Variants in TENM4 observed in about 807,000 individuals in gnomAD.
TENM4 encodes teneurin transmembrane protein 4.
A neutral mutation model predicts 243.3 loss-of-function variants in TENM4; 82 were observed. That is an observed-to-expected ratio of 0.34 (90% confidence interval 0.28 to 0.40). TENM4 has a LOEUF of 0.40. Among genes scored for constraint, TENM4 ranks in the 10% least tolerant of loss-of-function variants. The pLI, the probability that TENM4 is intolerant of heterozygous loss-of-function variation, is 1.00. For synonymous variants in TENM4, 1,412 were observed against 1,456.3 expected, an observed-to-expected ratio of 0.97 and a Z score of 0.69; for missense variants, 3,138 against 3,673.3, an observed-to-expected ratio of 0.85 and a Z score of 3.77.
chr11:79,012,324 T>C (rs1591206568), intron 6 of TENM4, among the ~76,000 whole-genome samples: 1 of 152,302 alleles, frequency 6.6e-6, no homozygotes, highest in East Asian at 1.9e-4. Flanking sequence ...GCCAAGGTCC[T>C]GAAGAAAACA....
rs148134316 is a variant in TENM4 at position 78,987,872 on chromosome 11, C to T, written c.493+76866G>A. Among the ~76,000 whole-genome samples, 455 of 152,170 alleles carry T rather than the reference C, an allele frequency of 3.0e-3. 2 individuals carry two copies. The highest frequency in any genetic ancestry group is 9.5e-3 in the African/African-American group (393 of 41,500). ...AAGAAACTGACGGTAAGGCAGGTTA[C>T]GTTTTTTCCCCCAGGCCATTCACCC... On this transcript the variant is annotated intron_variant, in intron 6 of 33. Transcript: ENST00000278550.
chr11:79,016,166 A>G (rs1858768898), intron 6 of TENM4, among the ~76,000 whole-genome samples: 1 of 152,342 alleles, frequency 6.6e-6, no homozygotes, highest in Non-Finnish European at 1.5e-5. Flanking sequence ...GTGGAACACA[A>G]TGATGCTCTC....
chr11:79,151,767 ATC>A, intron 3 of TENM4, among the ~76,000 whole-genome samples: 1 of 152,068 alleles, frequency 6.6e-6, no homozygotes, highest in Non-Finnish European at 1.5e-5. Context: ...CTCACAATGT[ATC>A]TCTCTGTGTT....
intron 2 of TENM4, among the ~76,000 whole-genome samples, chr11:79,281,168 C>G (rs1856150846): frequency 6.6e-6 from 1 of 152,202 alleles, no homozygotes; most frequent in African/African-American, 2.4e-5. Flanking sequence ...TCAAAGGCAA[C>G]TCCTTAGCAC....
chr11:79,055,011 C>T (rs948145370), intron 6 of TENM4, among the ~76,000 whole-genome samples: 2 of 151,488 alleles, frequency 1.3e-5, no homozygotes, highest in African/African-American at 2.4e-5. Flanking sequence ...CCTGTAATCC[C>T]AGGTACTTGG....
chr11:78,937,301 C>T (rs1856807134), intron 6 of TENM4, among the ~76,000 whole-genome samples: 1 of 152,164 alleles, frequency 6.6e-6, no homozygotes, highest in Non-Finnish European at 1.5e-5. Flanking sequence ...AAATACCTCT[C>T]CATTTCAGTG....
At chr11:78,965,439 T>C (rs1857418264) in intron 6 of TENM4, among the ~76,000 whole-genome samples, 1 of 152,152 alleles carries the variant, frequency 6.6e-6, no homozygotes, top group African/African-American at 2.4e-5. Context: ...CACAATATAA[T>C]CTTCAATCGG....
At chr11:79,232,967 A>C (rs1353025803) in intron 2 of TENM4, among the ~76,000 whole-genome samples, 2 of 152,184 alleles carry the variant, frequency 1.3e-5, no homozygotes, top group African/African-American at 4.8e-5. Flanking sequence ...AGCACAAAGC[A>C]CTTCATGGTT....
In TENM4 at chr11:78,854,246, G is replaced by A; in HGVS notation, c.1539C>T (p.Thr513=). The A allele has an allele frequency of 6.4e-7, 1 of 1,551,022 alleles. No homozygotes were observed. Among genetic ancestry groups the A allele is most frequent in the Non-Finnish European group, 8.7e-7 (1 of 1,146,668 alleles). ...GCACAGTTCCCCGAGACTGGCGCGG[G>A]GTCCCCTCTAGGCTCCGCGCCTCCT... The part of the protein sequence containing the change: ...LTQEARSLEG[T]PRQSRGTVPP... Residue 513 remains threonine (T), a synonymous_variant, in exon 12 of 34, where the codon ACC becomes ACT. Coordinates refer to ENST00000278550, the MANE Select transcript of TENM4 (RefSeq NM_001098816.3).
intron 6 of TENM4, among the ~76,000 whole-genome samples, chr11:79,008,849 A>G (rs1858566084): frequency 2.0e-5 from 3 of 152,218 alleles, no homozygotes; most frequent in African/African-American, 4.8e-5. Flanking sequence ...TGCTTTCCAT[A>G]AAGGTGATCA....
chr11:78,708,380 G>C lies in TENM4; in HGVS notation c.4190C>G (p.Ser1397Cys). Reference sequence around the variant, plus strand: ...TCTTACCTGGGAAATATCCATGACAGAATCACAGCTGAGTGGCCGGGCTGA... The same window carrying C: ...TCTTACCTGGGAAATATCCATGACACAATCACAGCTGAGTGGCCGGGCTGA... ...LTSARPLSCD[S>C]VMDISQVHLE... Residue 1397 changes from serine (S) to cysteine (C), a missense_variant, in exon 27 of 34, where the codon TCT becomes TGT. Around this residue, in one of 2 missense-constraint regions of TENM4, gnomAD observed 2,467 missense variants for 3,059.1 expected, o/e 0.81. Transcript: ENST00000278550. 1 of 1,614,038 alleles carries C rather than the reference G, an allele frequency of 6.2e-7. No homozygotes were observed. Among genetic ancestry groups the C allele is most frequent in the South Asian group, 1.1e-5 (1 of 91,084 alleles).
chr11:78,936,553 G>T (rs551102640), intron 6 of TENM4, among the ~76,000 whole-genome samples: 4 of 152,186 alleles, frequency 2.6e-5, no homozygotes, highest in Non-Finnish European at 5.9e-5. Flanking sequence ...ATCAGAAAGA[G>T]TATTTACCAA....
At chr11:79,215,456 C>A (rs532882756) in intron 3 of TENM4, among the ~76,000 whole-genome samples, 2 of 152,044 alleles carry the variant, frequency 1.3e-5, no homozygotes, top group African/African-American at 2.4e-5. Flanking sequence ...CCAAGAATGA[C>A]CTTGATTGGC....
At chr11:79,121,812 C>T (rs1477826160) in intron 4 of TENM4, among the ~76,000 whole-genome samples, 2 of 152,176 alleles carry the variant, frequency 1.3e-5, no homozygotes, top group Admixed American at 6.5e-5. Flanking sequence ...GGACCCACTG[C>T]ACACTGGCTG....
chr11:78,770,965 T>C lies in TENM4; in HGVS notation c.2539+27A>G, dbSNP rs7106750. On this transcript the variant is annotated intron_variant, in intron 18 of 33. Coordinates refer to ENST00000278550, the MANE Select transcript of TENM4 (RefSeq NM_001098816.3). ...GGGCCTCCCACCCTCTGGAGCCGCCTGGAGCCCATGGGTGCCAGAGCCCTA... is the reference window on the plus strand; with the variant it reads ...GGGCCTCCCACCCTCTGGAGCCGCCCGGAGCCCATGGGTGCCAGAGCCCTA... 1.0e-5 allele frequency: 16 copies of C among 1,567,908 alleles called. No homozygotes were observed. The African/African-American group carries it at 2.2e-4, about 21-fold the overall frequency.
intron 18 of TENM4, among the ~76,000 whole-genome samples, chr11:78,763,184 C>A (rs1240660882): frequency 2.0e-5 from 3 of 152,228 alleles, no homozygotes; most frequent in Non-Finnish European, 4.4e-5. Flanking sequence ...CCCTCCTAAA[C>A]CCCAGCTTTT....
chr11:78,663,326 G>A (rs774121747), intron 32 of TENM4, among the ~76,000 whole-genome samples: 14 of 152,192 alleles, frequency 9.2e-5, no homozygotes, highest in Non-Finnish European at 1.9e-4. Context: ...TCCTGTTTAG[G>A]TTCTAGGATG....
At position 79,314,242 on chromosome 11, in the gene TENM4, A is replaced by G. The variant is rs77912154; in HGVS notation, c.-320-16699T>C. On this transcript the variant is annotated intron_variant, in intron 1 of 33. Coordinates refer to ENST00000278550, the MANE Select transcript of TENM4 (RefSeq NM_001098816.3). Reference sequence around the variant, plus strand: ...TGGTGTCACCATGAAACTCAAGTGAATTATAAAGGCAATGGATACTAATCA... The same window carrying G: ...TGGTGTCACCATGAAACTCAAGTGAGTTATAAAGGCAATGGATACTAATCA... 7.6e-3 allele frequency among the ~76,000 whole-genome samples: 1,165 copies of G among 152,322 alleles called. 16 individuals are homozygous for G. The highest frequency in any genetic ancestry group is 0.026 in the African/African-American group (1,081 of 41,564).
chr11:79,334,721 C>T (rs1857119784), intron 1 of TENM4, among the ~76,000 whole-genome samples: 1 of 152,172 alleles, frequency 6.6e-6, no homozygotes, highest in South Asian at 2.1e-4. Flanking sequence ...GGAAATGCTG[C>T]CAACAATCTT....
Sources: allele counts gnomAD v4.1 joint callset (sites outside exome capture counted in the v4.1 genomes callset), GRCh38; gene constraint gnomAD v4.1.1; regional missense constraint gnomAD v4.1.1; transcripts MANE v1.5; gene names NCBI Gene and HGNC (gene_info 2026-07-23, HGNC 2026-07-21).